HSD17B12: variants seen among roughly 807,000 people sequenced by gnomAD.
The protein encoded by HSD17B12 is very-long-chain 3-oxoacyl-CoA reductase.
In HSD17B12, 32 loss-of-function variants were observed where a neutral mutation model predicts 39.3. That is an observed-to-expected ratio of 0.81 (90% CI 0.61 to 1.09). The LOEUF is 1.09. Among genes scored for constraint, HSD17B12 ranks in the 50% least tolerant of loss-of-function variants. The pLI is 0.00. For missense variants in HSD17B12, 342 were observed against 382.9 expected (o/e 0.89, Z 0.89); for synonymous variants, 150 against 146.7 (o/e 1.02, Z -0.16).
At chr11:43,676,208 G>GT (rs1554958172), upstream of HSD17B12, among the ~76,000 whole-genome samples, 1 of 147,626 alleles carries the variant, frequency 6.8e-6, no homozygotes, top group Admixed American at 6.8e-5. Context: ...AGAGGAAGAG[G>GT]GTGTGTGTGT....
At chr11:43,588,621 A>C in the HSD17B12 span, among the ~76,000 whole-genome samples, 56 of 148,724 alleles carry the variant, frequency 3.8e-4, no homozygotes, top group African/African-American at 1.4e-3. Context: ...TATTATTATT[A>C]TTATTATTAT....
Position 43,831,221 on chromosome 11 carries a change from C to T in HSD17B12, c.536+211C>T, listed in dbSNP as rs1368359593. 8 of 394,598 alleles carry T rather than the reference C, an allele frequency of 2.0e-5. No individual in the cohort carries two copies. The allele number at this position is 394,598 out of a possible 1,614,324, so 24.4% of individuals were successfully genotyped here. A position where few individuals can be genotyped will look rare whatever the true frequency, so the allele number is the denominator to read the frequency against. On this transcript the variant is annotated intron_variant, in intron 7 of 10. Coordinates refer to ENST00000278353, the MANE Select transcript of HSD17B12 (RefSeq NM_016142.3). The surrounding 1 kb of genome is among the most constrained non-coding windows in gnomAD (Gnocchi z 4.1). ...CTCGATTCCCTTTTTATTTCTCTCT[C>T]TAGGGTTGTAGTGGTTCCTTTAGAT...
the HSD17B12 span, among the ~76,000 whole-genome samples, chr11:43,651,991 T>A: frequency 6.6e-6 from 1 of 152,196 alleles, no homozygotes; most frequent in Non-Finnish European, 1.5e-5. Flanking sequence ...ATTTAAAGAA[T>A]ACATAAGTTG....
At chr11:43,570,540 C>T in the HSD17B12 span, 7 of 152,134 alleles carry the variant, frequency 4.6e-5, no homozygotes, top group African/African-American at 7.2e-5. Flanking sequence ...TTTGATAAAC[C>T]CTGTGCTGAT....
intron 1 of HSD17B12, among the ~76,000 whole-genome samples, chr11:43,697,972 T>G (rs1213643472): frequency 6.6e-6 from 1 of 152,090 alleles, no homozygotes; most frequent in Non-Finnish European, 1.5e-5. Flanking sequence ...CTCTGGCATT[T>G]TGGAGAATGG....
At chr11:43,691,518 T>C (rs148750859) in intron 1 of HSD17B12, among the ~76,000 whole-genome samples, 3 of 152,310 alleles carry the variant, frequency 2.0e-5, no homozygotes, top group Non-Finnish European at 2.9e-5. Context: ...AATCTACCAC[T>C]ACAGTCTCTC....
intron 4 of HSD17B12, among the ~76,000 whole-genome samples, chr11:43,808,136 T>C (rs1301254136): frequency 6.6e-6 from 1 of 152,180 alleles, no homozygotes; most frequent in Non-Finnish European, 1.5e-5. Flanking sequence ...TGGGATATGT[T>C]AAGCTTAAGA....
chr11:43,749,611 TTC>T (rs927058121), intron 1 of HSD17B12, among the ~76,000 whole-genome samples: 3 of 151,968 alleles, frequency 2.0e-5, no homozygotes, highest in African/African-American at 7.2e-5. Flanking sequence ...TGTTATACTG[TTC>T]TCTGGATATT....
rs1951306314 is a variant in HSD17B12, at chr11:43,831,156, A to G, written c.536+146A>G. ...CACAGAGTGATGTACCAGGCGAGTCACAGTAGAGCATGAGTCATCGGTGGT... is the reference window on the plus strand; with the variant it reads ...CACAGAGTGATGTACCAGGCGAGTCGCAGTAGAGCATGAGTCATCGGTGGT... On this transcript the variant is annotated intron_variant, in intron 7 of 10. Transcript: ENST00000278353. The surrounding 1 kb of genome is among the most constrained non-coding windows in gnomAD (Gnocchi z 4.1). 2 of 624,976 alleles carry G rather than the reference A, an allele frequency of 3.2e-6. No individual in the cohort carries two copies. The highest frequency in any genetic ancestry group is 5.4e-6 in the Non-Finnish European group (2 of 369,938). The allele number at this position is 624,976 out of a possible 1,614,324, so 38.7% of individuals were successfully genotyped here.
chr11:43,645,430 T>C, the HSD17B12 span: 1 of 152,212 alleles, frequency 6.6e-6, no homozygotes, highest in East Asian at 1.9e-4. Context: ...ATTTTTTCAT[T>C]CAAGTTTGGT....
At chr11:43,841,096 T>C (rs1486958664) in intron 9 of HSD17B12, among the ~76,000 whole-genome samples, 2 of 152,200 alleles carry the variant, frequency 1.3e-5, no homozygotes, top group African/African-American at 4.8e-5. Flanking sequence ...GGTATCTCAT[T>C]GTGGTTTTGA....
the HSD17B12 span, among the ~76,000 whole-genome samples, chr11:43,622,360 T>C: frequency 5.9e-5 from 9 of 152,026 alleles, no homozygotes; most frequent in Non-Finnish European, 1.3e-4. Flanking sequence ...TTTGGGAGGC[T>C]AAGGTGGGAG....
the HSD17B12 span, among the ~76,000 whole-genome samples, chr11:43,585,316 C>CGGTTCAGAGCTT: frequency 4.6e-5 from 7 of 152,044 alleles, no homozygotes; most frequent in Admixed American, 4.6e-4. Flanking sequence ...TTGGGGATTT[C>CGGTTCAGAGCTT]GGTTCAGAGC....
the HSD17B12 span, among the ~76,000 whole-genome samples, chr11:43,660,050 CT>C: frequency 2.0e-5 from 3 of 152,188 alleles, no homozygotes; most frequent in Non-Finnish European, 4.4e-5. Context: ...ATCACTGCTG[CT>C]TCTGTCCTTC....
At chr11:43,614,474 T>C in the HSD17B12 span, among the ~76,000 whole-genome samples, 1 of 152,202 alleles carries the variant, frequency 6.6e-6, no homozygotes, top group African/African-American at 2.4e-5. Context: ...GATTTTTCTA[T>C]GTATATTTGG....
chr11:43,720,686 G>A (rs1950168393), intron 1 of HSD17B12, among the ~76,000 whole-genome samples: 1 of 152,188 alleles, frequency 6.6e-6, no homozygotes, highest in Admixed American at 6.5e-5. Flanking sequence ...TTGCAAAAGA[G>A]CATGTGGAAT....
At chr11:43,723,879 A>G (rs1456746327) in intron 1 of HSD17B12, among the ~76,000 whole-genome samples, 7 of 152,270 alleles carry the variant, frequency 4.6e-5, no homozygotes, top group Admixed American at 1.3e-4. Context: ...TGTCACATAG[A>G]CCAGATTTTG....
chr11:43,685,451 G>T (rs917776151), intron 1 of HSD17B12, among the ~76,000 whole-genome samples: 3 of 152,184 alleles, frequency 2.0e-5, no homozygotes, highest in African/African-American at 7.2e-5. Context: ...ATGATTTGAA[G>T]AATTATATAT....
At chr11:43,752,776 T>C (rs1950477202) in intron 2 of HSD17B12, among the ~76,000 whole-genome samples, 1 of 152,158 alleles carries the variant, frequency 6.6e-6, no homozygotes, top group South Asian at 2.1e-4. Flanking sequence ...AGATGGTGTT[T>C]TTCTATAAAA....
Sources: allele counts gnomAD v4.1 joint callset (sites outside exome capture counted in the v4.1 genomes callset), GRCh38; gene constraint gnomAD v4.1.1; non-coding constraint Gnocchi (gnomAD v3.1); transcripts MANE v1.5; gene names NCBI Gene and HGNC (gene_info 2026-07-23, HGNC 2026-07-21).